Variants in LHFPL3 observed in about 807,000 individuals in gnomAD.
LHFPL3 encodes the protein LHFPL tetraspan subfamily member 3.
LHFPL3 carries 5 observed loss-of-function variants against 19.3 expected under a neutral mutation model. The observed-to-expected ratio is 0.26, with a 90% CI of 0.14 to 0.54. The LOEUF is 0.54. LHFPL3 is among the 20% of genes least tolerant of loss of function. LHFPL3 has a pLI of 0.94. For synonymous variants in LHFPL3, 133 were observed against 126.2 expected, an observed-to-expected ratio of 1.05 and a Z score of -0.36; for missense variants, 249 against 307.4, an observed-to-expected ratio of 0.81 and a Z score of 1.42.
chr7:104,384,649 T>C (rs1790897677), intron 1 of LHFPL3, among the ~76,000 whole-genome samples: 1 of 151,560 alleles, frequency 6.6e-6, no homozygotes, highest in African/African-American at 2.4e-5. Flanking sequence ...TAGCCAGGCA[T>C]GGTGGCACAT....
intron 2 of LHFPL3, among the ~76,000 whole-genome samples, chr7:104,761,741 A>C (rs779580092): frequency 6.6e-6 from 1 of 152,218 alleles, no homozygotes; most frequent in Non-Finnish European, 1.5e-5. Flanking sequence ...AGCCTGCCGG[A>C]ATTTTCATTT....
At chr7:104,368,452 G>A (rs1026115430) in intron 1 of LHFPL3, among the ~76,000 whole-genome samples, 1 of 152,204 alleles carries the variant, frequency 6.6e-6, no homozygotes, top group Admixed American at 6.5e-5. Flanking sequence ...CATGCTTGCA[G>A]ACATCCGCTA....
At chr7:104,800,870 C>T (rs1206711381) in intron 2 of LHFPL3, among the ~76,000 whole-genome samples, 2 of 152,182 alleles carry the variant, frequency 1.3e-5, no homozygotes. Flanking sequence ...ATAAAAGATC[C>T]AGATAAGCTC....
chr7:104,576,167 A>C (rs1790335322), intron 1 of LHFPL3, among the ~76,000 whole-genome samples: 1 of 152,190 alleles, frequency 6.6e-6, no homozygotes, highest in African/African-American at 2.4e-5. Flanking sequence ...CCAGGAAAAA[A>C]AAATTAGAAA....
intron 2 of LHFPL3, among the ~76,000 whole-genome samples, chr7:104,770,658 G>GGGGA (rs1794534946): frequency 6.6e-6 from 1 of 152,152 alleles, no homozygotes; most frequent in Non-Finnish European, 1.5e-5. Context: ...CACACCCATT[G>GGGGA]TGGACATCAG....
At chr7:104,840,358 G>A (rs1382393293) in intron 2 of LHFPL3, among the ~76,000 whole-genome samples, 9 of 128,048 alleles carry the variant, frequency 7.0e-5, no homozygotes, top group Non-Finnish European at 1.1e-4. Flanking sequence ...CTCTGTCACC[G>A]AGGCTGGAGT....
chr7:104,898,298 T>G (rs1424643779), intron 2 of LHFPL3, among the ~76,000 whole-genome samples: 1 of 152,124 alleles, frequency 6.6e-6, no homozygotes, highest in Admixed American at 6.6e-5. Flanking sequence ...TAAGCCACTG[T>G]GCCCAGCCGA....
intron 1 of LHFPL3, among the ~76,000 whole-genome samples, chr7:104,578,282 T>C (rs2116012201): frequency 6.6e-6 from 1 of 152,352 alleles, no homozygotes; most frequent in South Asian, 2.1e-4. Context: ...TGCGCTGTGA[T>C]GGGCCTGCTT....
intron 1 of LHFPL3, among the ~76,000 whole-genome samples, chr7:104,378,212 C>T (rs1043588365): frequency 6.6e-6 from 1 of 152,182 alleles, no homozygotes; most frequent in African/African-American, 2.4e-5. Flanking sequence ...TAACACTTCC[C>T]TCCTGCCTTT....
chr7:104,544,727 T>G (rs907148938), intron 1 of LHFPL3, among the ~76,000 whole-genome samples: 1 of 152,062 alleles, frequency 6.6e-6, no homozygotes, highest in African/African-American at 2.4e-5. Flanking sequence ...TTTAAGAAAA[T>G]GGGTGTATTT....
chr7:104,556,499 C>T (rs1317214180), intron 1 of LHFPL3, among the ~76,000 whole-genome samples: 1 of 152,228 alleles, frequency 6.6e-6, no homozygotes, highest in African/African-American at 2.4e-5. Context: ...TCACTCACAG[C>T]TGGAGTGGCT....
intron 1 of LHFPL3, among the ~76,000 whole-genome samples, chr7:104,374,247 T>C (rs1327537948): frequency 6.6e-6 from 1 of 151,708 alleles, no homozygotes; most frequent in Non-Finnish European, 1.5e-5. Flanking sequence ...TGTGTATACA[T>C]ATATATTTTT....
intron 2 of LHFPL3, among the ~76,000 whole-genome samples, chr7:104,783,094 G>A (rs1345631437): frequency 6.6e-6 from 1 of 152,326 alleles, no homozygotes; most frequent in East Asian, 1.9e-4. Context: ...AAATCCTCAG[G>A]CCCAACTTCA....
intron 1 of LHFPL3, among the ~76,000 whole-genome samples, chr7:104,331,927 G>T (rs184352205): frequency 0.011 from 1,658 of 151,030 alleles, 49 homozygotes; most frequent in Admixed American, 0.077. Context: ...TCTAGTCTGG[G>T]AAACAGAGCG....
intron 1 of LHFPL3, among the ~76,000 whole-genome samples, chr7:104,484,183 A>G (rs1365318870): frequency 6.6e-6 from 1 of 151,920 alleles, no homozygotes; most frequent in East Asian, 1.9e-4. Flanking sequence ...ACTGTGTCCT[A>G]CCTCTTCAGC....
At chr7:104,447,864 G>C (rs187243740) in intron 1 of LHFPL3, among the ~76,000 whole-genome samples, 2 of 151,958 alleles carry the variant, frequency 1.3e-5, no homozygotes, top group South Asian at 2.1e-4. Flanking sequence ...GGAAACATCC[G>C]TTTATCTGAA....
rs143746573 is a variant in LHFPL3 at position 104,652,753 on chromosome 7, A to G, written c.446-83922A>G. On this transcript the variant is annotated intron_variant, in intron 1 of 2. Transcript: ENST00000424859. ...GCAAAGCCAGGCACTAGTTAAAGGCAGGAAAAACAGATTTTACTCGGTAAC... is the reference window on the plus strand; with the variant it reads ...GCAAAGCCAGGCACTAGTTAAAGGCGGGAAAAACAGATTTTACTCGGTAAC... Among the ~76,000 whole-genome samples, 550 of 152,346 alleles carry G rather than the reference A, an allele frequency of 3.6e-3. 4 individuals carry two copies. Among genetic ancestry groups the G allele is most frequent in the African/African-American group, 0.012 (501 of 41,582 alleles).
intron 1 of LHFPL3, among the ~76,000 whole-genome samples, chr7:104,462,172 A>G (rs939857171): frequency 1.3e-5 from 2 of 152,198 alleles, no homozygotes; most frequent in South Asian, 4.1e-4. Context: ...TACATATAGA[A>G]TCATGTCATC....
At chr7:104,471,118 A>G (rs1792899468) in intron 1 of LHFPL3, among the ~76,000 whole-genome samples, 1 of 152,184 alleles carries the variant, frequency 6.6e-6, no homozygotes, top group African/African-American at 2.4e-5. Flanking sequence ...CCATATTACT[A>G]ATACATGAAA....
Sources: gnomAD v4.1 joint callset for allele counts (sites outside exome capture counted in the v4.1 genomes callset) on GRCh38, gnomAD v4.1.1 for gene constraint, MANE v1.5 for transcripts, NCBI Gene and HGNC (gene_info 2026-07-23, HGNC 2026-07-21) for gene names.